CHSY3: variants seen among roughly 807,000 people sequenced by gnomAD.
The protein encoded by CHSY3 is N-acetylgalactosaminyl-proteoglycan 3-beta-glucuronosyltransferase 3.
A neutral mutation model predicts 67.2 loss-of-function variants in CHSY3; 35 were observed. The ratio of observed to expected loss-of-function variants is 0.52; its 90% confidence interval spans 0.40 to 0.69. The LOEUF (loss-of-function observed/expected upper bound fraction) is 0.69. Among genes scored for constraint, CHSY3 ranks in the 30% least tolerant of loss-of-function variants. CHSY3 has a pLI of 0.00. For missense variants in CHSY3, 1,069 were observed against 1,138.5 expected (o/e 0.94, Z 0.88); for synonymous variants, 474 against 434.7 (o/e 1.09, Z -1.12).
chr5:130,182,117 C>T (rs1484968434), intron 2 of CHSY3, among the ~76,000 whole-genome samples: 1 of 152,024 alleles, frequency 6.6e-6, no homozygotes, highest in Non-Finnish European at 1.5e-5. Flanking sequence ...AAGTTATATT[C>T]TCACTAGCAG....
At chr5:129,947,249 A>G (rs2149598606) in intron 2 of CHSY3, among the ~76,000 whole-genome samples, 1 of 152,110 alleles carries the variant, frequency 6.6e-6, no homozygotes, top group East Asian at 1.9e-4. Flanking sequence ...AGAACAACAT[A>G]AGGATAACTG....
intron 2 of CHSY3, among the ~76,000 whole-genome samples, chr5:129,935,594 C>T (rs3910212): frequency 6.6e-6 from 1 of 152,062 alleles, no homozygotes; most frequent in Non-Finnish European, 1.5e-5. Context: ...AATTGAAGTG[C>T]TTGAACAAAA....
chr5:130,179,393 T>C (rs1403908151), intron 2 of CHSY3, among the ~76,000 whole-genome samples: 2 of 152,124 alleles, frequency 1.3e-5, no homozygotes, highest in Non-Finnish European at 1.5e-5. Context: ...ATCAATATGA[T>C]TTCTCTCTTG....
At chr5:129,997,229 A>G (rs982304725) in intron 2 of CHSY3, among the ~76,000 whole-genome samples, 3 of 152,210 alleles carry the variant, frequency 2.0e-5, no homozygotes, top group Admixed American at 6.5e-5. Flanking sequence ...GTCAAAGCCA[A>G]TATATGACAA....
intron 2 of CHSY3, among the ~76,000 whole-genome samples, chr5:130,122,886 T>A (rs75562624): frequency 0.042 from 6,407 of 152,280 alleles, 374 homozygotes; most frequent in East Asian, 0.27. Flanking sequence ...GGGAGTCCAT[T>A]TCTGGGGTCT....
At chr5:130,140,642 A>G in intron 2 of CHSY3, 1 of 383,670 alleles carries the variant, frequency 2.6e-6, no homozygotes, top group Non-Finnish European at 4.6e-6. Flanking sequence ...TGATGTGTCA[A>G]CCCTCATTGT....
intron 2 of CHSY3, among the ~76,000 whole-genome samples, chr5:130,016,818 G>A (rs779002570): frequency 6.6e-6 from 1 of 152,220 alleles, no homozygotes; most frequent in African/African-American, 2.4e-5. Flanking sequence ...TGTTATATTA[G>A]ATCTAGAATT....
chr5:130,088,696 G>A (rs1377213732), intron 2 of CHSY3, among the ~76,000 whole-genome samples: 2 of 152,094 alleles, frequency 1.3e-5, no homozygotes, highest in Admixed American at 1.3e-4. Context: ...CAGTTAGAAT[G>A]GCAATCATTA....
intron 2 of CHSY3, among the ~76,000 whole-genome samples, chr5:130,007,681 A>G (rs1010643505): frequency 6.6e-6 from 1 of 152,196 alleles, no homozygotes; most frequent in African/African-American, 2.4e-5. Context: ...TATGAAGCCC[A>G]GAGAGTTTGG....
At chr5:130,075,127 C>A (rs1422650380) in intron 2 of CHSY3, among the ~76,000 whole-genome samples, 1 of 152,042 alleles carries the variant, frequency 6.6e-6, no homozygotes, top group Non-Finnish European at 1.5e-5. Context: ...CAGAGAAGGG[C>A]CATTGCGGTC....
In CHSY3 at chr5:130,185,490, C is replaced by T. The variant is rs1279015157; in HGVS notation, c.2348C>T (p.Thr783Ile). The T allele has an allele frequency of 6.2e-7, 1 of 1,613,974 alleles. No individual in the cohort carries two copies. The highest frequency in any genetic ancestry group is 1.3e-5 in the African/African-American group (1 of 74,896). Reference sequence around the variant, plus strand: ...TGGAGAGACTATGGATATGGCATCACCTGTATTTACAAAAGTGATCTTCTA... The same window carrying T: ...TGGAGAGACTATGGATATGGCATCATCTGTATTTACAAAAGTGATCTTCTA... ...GFWRDYGYGI[T>I]CIYKSDLLGA... The change falls in exon 3 of 3, where the codon ACC (threonine) becomes ATC (isoleucine). Residue 783 changes from threonine to isoleucine, a missense_variant. Physicochemically the swap from Thr to Ile is moderately conservative, Grantham distance 89. Transcript: ENST00000305031.
At chr5:129,996,381 A>G (rs976996624) in intron 2 of CHSY3, among the ~76,000 whole-genome samples, 6 of 152,164 alleles carry the variant, frequency 3.9e-5, no homozygotes, top group African/African-American at 1.4e-4. Context: ...GAGTGTCTCA[A>G]AAAATGGCAC....
chr5:130,115,749 A>G (rs74521270), intron 2 of CHSY3, among the ~76,000 whole-genome samples: 6 of 152,312 alleles, frequency 3.9e-5, no homozygotes, highest in African/African-American at 1.4e-4. Context: ...CCAAAAACAA[A>G]GCGCATGTAA....
chr5:129,947,188 G>A (rs1352107797), intron 2 of CHSY3, among the ~76,000 whole-genome samples: 2 of 152,066 alleles, frequency 1.3e-5, no homozygotes, highest in African/African-American at 4.8e-5. Context: ...CAGTGATAGG[G>A]GGAAAAGCCC....
At chr5:129,954,078 G>A (rs971902286) in intron 2 of CHSY3, among the ~76,000 whole-genome samples, 17 of 152,222 alleles carry the variant, frequency 1.1e-4, no homozygotes, top group African/African-American at 3.9e-4. Context: ...GAATGGTATT[G>A]CCTAGGTTTT....
At chr5:130,144,421 AGTAAG>A (rs1769010395) in intron 2 of CHSY3, among the ~76,000 whole-genome samples, 1 of 152,196 alleles carries the variant, frequency 6.6e-6, no homozygotes, top group Non-Finnish European at 1.5e-5. Flanking sequence ...GCTGCATAAA[AGTAAG>A]GTATCTAGGA....
chr5:130,077,816 C>T (rs896140489), intron 2 of CHSY3, among the ~76,000 whole-genome samples: 5 of 150,156 alleles, frequency 3.3e-5, no homozygotes, highest in Admixed American at 6.6e-5. Context: ...TATATACACA[C>T]ATATATATAC....
At chr5:129,919,386 C>T (rs1292140563) in intron 2 of CHSY3, among the ~76,000 whole-genome samples, 5 of 152,072 alleles carry the variant, frequency 3.3e-5, no homozygotes, top group Non-Finnish European at 7.4e-5. Flanking sequence ...ACTCAGTGGA[C>T]ATAGTTGGTG....
chr5:130,089,253 A>G (rs1766788852), intron 2 of CHSY3, among the ~76,000 whole-genome samples: 1 of 148,838 alleles, frequency 6.7e-6, no homozygotes, highest in South Asian at 2.2e-4. Context: ...GGATAGCATT[A>G]GGAGATATAC....
Sources: gnomAD v4.1 joint callset for allele counts (sites outside exome capture counted in the v4.1 genomes callset) on GRCh38, gnomAD v4.1.1 for gene constraint, MANE v1.5 for transcripts, NCBI Gene and HGNC (gene_info 2026-07-23, HGNC 2026-07-21) for gene names.